CACNA1A: variants seen among roughly 807,000 people sequenced by gnomAD.
CACNA1A encodes calcium voltage-gated channel subunit alpha1 A, also known as voltage-dependent P/Q-type calcium channel subunit alpha-1A.
A neutral mutation model predicts 262.4 loss-of-function variants in CACNA1A; 57 were observed. The observed-to-expected ratio is 0.22, with a 90% CI of 0.18 to 0.27. The LOEUF is 0.27. Among genes scored for constraint, CACNA1A ranks in the 10% least tolerant of loss-of-function variants. The pLI is 1.00. For missense variants in CACNA1A, 2,526 were observed against 3,562.8 expected (o/e 0.71, Z 7.41); for synonymous variants, 1,431 against 1,419.3 (o/e 1.01, Z -0.18).
chr19:13,488,390 C>CTTT lies in CACNA1A; in HGVS notation c.293+17539_293+17541dup, dbSNP rs34348281. Among the ~76,000 whole-genome samples the CTTT allele has an allele frequency of 2.6e-3, 198 of 77,636 alleles. 22 individuals are homozygous for CTTT. The highest frequency in any genetic ancestry group is 0.019 in the East Asian group (47 of 2,430). 50.9% of individuals were successfully genotyped at this position (77,636 alleles called of 152,430 possible). A position where few individuals can be genotyped will look rare whatever the true frequency, so the allele number is the denominator to read the frequency against. On this transcript the variant is annotated intron_variant, in intron 1 of 46. Coordinates refer to ENST00000360228, the MANE Select transcript of CACNA1A (RefSeq NM_001127222.2). Reference sequence around the variant, plus strand: ...GCATCAGCATTTTCCTTTTTCTTTTCTTTTTTTTTTTTTTTTTTTTTTTTT... The same window carrying CTTT: ...GCATCAGCATTTTCCTTTTTCTTTTCTTTTTTTTTTTTTTTTTTTTTTTTTTTT...
chr19:13,330,470 G>C, intron 9 of CACNA1A, 137 bp from the exon 10 acceptor site: 1 of 710,082 alleles, frequency 1.4e-6, no homozygotes, highest in Non-Finnish European at 2.5e-6. Context: ...CCATTTTTCA[G>C]ATGTGTAAAC....
At position 13,210,511 on chromosome 19, in the gene CACNA1A, G is replaced by A. The variant is rs187585303; in HGVS notation, c.6339+106C>T. On this transcript the variant is annotated intron_variant, in intron 44 of 46. Coordinates refer to ENST00000360228, the MANE Select transcript of CACNA1A (RefSeq NM_001127222.2). Reference sequence around the variant, plus strand: ...GGAGAGGGTGCGATTGCCAAAGAAAGGGTGGGGTCCGGGGACGGTGAGAGA... The same window carrying A: ...GGAGAGGGTGCGATTGCCAAAGAAAAGGTGGGGTCCGGGGACGGTGAGAGA... The A allele has an allele frequency of 2.7e-4, 269 of 1,004,126 alleles. 1 individual carries two copies. In the African/African-American group the frequency reaches 4.1e-3, roughly 15 times the overall value. 62.2% of individuals were successfully genotyped at this position (1,004,126 alleles called of 1,614,324 possible).
chr19:13,253,264 G>A lies in CACNA1A; in HGVS notation c.4756-163C>T, dbSNP rs1021309260. ...ACAGTTCAGGAAAGCCCCGCTCTCC[G>A]CCGGACTAGGCTCTTCTTTTCACAT... On this transcript the variant is annotated intron_variant, in intron 29 of 46. Coordinates refer to ENST00000360228, the MANE Select transcript of CACNA1A (RefSeq NM_001127222.2). Among the ~76,000 whole-genome samples the A allele has an allele frequency of 1.5e-4, 23 of 151,258 alleles. No individual in the cohort carries two copies. The East Asian group carries it at 3.9e-3, about 26-fold the overall frequency.
At chr19:13,458,923 G>A (rs62111563) in intron 1 of CACNA1A, among the ~76,000 whole-genome samples, 22 of 152,266 alleles carry the variant, frequency 1.4e-4, no homozygotes, top group African/African-American at 3.4e-4. Context: ...TGGTTACTCC[G>A]GAGCAGGATT....
At chr19:13,274,096 G>A (rs536333351) in intron 24 of CACNA1A, 1 of 152,060 alleles carries the variant, frequency 6.6e-6, no homozygotes, top group South Asian at 2.1e-4. Flanking sequence ...GGAAGGATGT[G>A]GGGAGGGAGA....
chr19:13,292,018 G>T (rs2057550426), intron 19 of CACNA1A, among the ~76,000 whole-genome samples: 1 of 152,162 alleles, frequency 6.6e-6, no homozygotes, highest in Non-Finnish European at 1.5e-5. Flanking sequence ...GAGTGGAGCA[G>T]GTCTTGGCAA....
intron 1 of CACNA1A, among the ~76,000 whole-genome samples, chr19:13,478,688 A>G (rs998370065): frequency 6.6e-6 from 1 of 152,222 alleles, no homozygotes; most frequent in Non-Finnish European, 1.5e-5. Context: ...AGCTTTGTTC[A>G]TAATGGCCCA....
At chr19:13,218,444 G>A (rs1243341743) in intron 38 of CACNA1A, among the ~76,000 whole-genome samples, 2 of 152,214 alleles carry the variant, frequency 1.3e-5, no homozygotes, top group African/African-American at 2.4e-5. Context: ...AGTACACGGT[G>A]CGTGTTGTCA....
At chr19:13,347,823 C>A (rs772990797) in intron 6 of CACNA1A, among the ~76,000 whole-genome samples, 31 of 152,300 alleles carry the variant, frequency 2.0e-4, no homozygotes, top group Non-Finnish European at 2.2e-4. Context: ...TTGGTCAAGA[C>A]AAACATCTAT....
At chr19:13,466,545 T>C (rs2061242987) in intron 1 of CACNA1A, among the ~76,000 whole-genome samples, 1 of 152,116 alleles carries the variant, frequency 6.6e-6, no homozygotes, top group Admixed American at 6.5e-5. Flanking sequence ...TTCACCATGT[T>C]GGCCAGACTG....
intron 30 of CACNA1A, among the ~76,000 whole-genome samples, chr19:13,250,119 G>C (rs1198707167): frequency 6.6e-6 from 1 of 151,546 alleles, no homozygotes; most frequent in Non-Finnish European, 1.5e-5. Context: ...GAGTGCACTG[G>C]TGCCATCTTG....
chr19:13,220,646 A>C (rs1474326257), intron 38 of CACNA1A, among the ~76,000 whole-genome samples: 3 of 152,154 alleles, frequency 2.0e-5, no homozygotes, highest in Admixed American at 6.6e-5. Context: ...CAGGACTGTG[A>C]GCTGACAAAT....
At chr19:13,346,971 T>C (rs551600435) in intron 6 of CACNA1A, among the ~76,000 whole-genome samples, 4 of 151,490 alleles carry the variant, frequency 2.6e-5, no homozygotes, top group Admixed American at 2.0e-4. Context: ...TGAGCCACCG[T>C]GCCAGGCTGA....
At position 13,291,353 on chromosome 19, in the gene CACNA1A, T is replaced by C. The variant is rs2057533587; in HGVS notation, c.3090-4387A>G. On this transcript the variant is annotated intron_variant, in intron 19 of 46. Coordinates refer to ENST00000360228, the MANE Select transcript of CACNA1A (RefSeq NM_001127222.2). ...CCCCTGTCCTAAGGACCTCACGTATTAACTCATTTAATCCCTGCAACTACC... is the reference window on the plus strand; with the variant it reads ...CCCCTGTCCTAAGGACCTCACGTATCAACTCATTTAATCCCTGCAACTACC... Among the ~76,000 whole-genome samples the C allele has an allele frequency of 3.3e-5, 5 of 151,854 alleles. 2 individuals carry two copies. Among genetic ancestry groups the C allele is most frequent in the Admixed American group, 2.6e-4 (4 of 15,222 alleles).
chr19:13,408,321 G>A (rs968793623), intron 3 of CACNA1A, among the ~76,000 whole-genome samples: 6 of 152,124 alleles, frequency 3.9e-5, no homozygotes, highest in African/African-American at 1.4e-4. Flanking sequence ...AGTGAGCCAC[G>A]ATCTTGCCAC....
intron 24 of CACNA1A, chr19:13,275,215 G>A (rs1485387998): frequency 6.6e-6 from 1 of 152,382 alleles, no homozygotes; most frequent in Non-Finnish European, 1.5e-5. Context: ...CAGAACTCAG[G>A]GGCCATCTTG....
chr19:13,428,181 G>C (rs1319953565), intron 3 of CACNA1A, among the ~76,000 whole-genome samples: 7 of 152,164 alleles, frequency 4.6e-5, no homozygotes, highest in Non-Finnish European at 8.8e-5. Flanking sequence ...ACCTGCCTTG[G>C]CCTCACGACG....
intron 19 of CACNA1A, among the ~76,000 whole-genome samples, chr19:13,291,130 G>A (rs1213076060): frequency 1.3e-5 from 2 of 152,110 alleles, no homozygotes; most frequent in African/African-American, 2.4e-5. Flanking sequence ...CTGGGGATCT[G>A]GCATCCTCTG....
chr19:13,330,014 A>G (rs561456295), intron 10 of CACNA1A, among the ~76,000 whole-genome samples: 3 of 152,184 alleles, frequency 2.0e-5, no homozygotes, highest in Non-Finnish European at 4.4e-5. Context: ...CTGGTTTGCC[A>G]TGCTTCATGG....
Sources: gnomAD v4.1 joint callset for allele counts (sites outside exome capture counted in the v4.1 genomes callset) on GRCh38, gnomAD v4.1.1 for gene constraint, MANE v1.5 for transcripts, NCBI Gene and HGNC (gene_info 2026-07-23, HGNC 2026-07-21) for gene names.